KCNG4: variants seen among roughly 807,000 people sequenced by gnomAD.
KCNG4 encodes the protein potassium voltage-gated channel modifier subfamily G member 4.
In KCNG4, 30 loss-of-function variants were observed where a neutral mutation model predicts 28.2. That is an observed-to-expected ratio of 1.06 (90% confidence interval 0.80 to 1.44). The LOEUF is 1.44. KCNG4 is among the 40% of genes most tolerant of loss of function. The probability of loss-of-function intolerance (pLI) is 0.00; values close to 1 mark genes in which losing one functional copy is unlikely to be tolerated. For missense variants in KCNG4, 879 were observed against 712.3 expected (o/e 1.23, Z -2.66); for synonymous variants, 375 against 315.5 (o/e 1.19, Z -2.00).
At chr16:84,227,933 G>A (rs1904733993) in intron 2 of KCNG4, among the ~76,000 whole-genome samples, 1 of 152,200 alleles carries the variant, frequency 6.6e-6, no homozygotes, top group South Asian at 2.1e-4. Context: ...GAGGAGGGTA[G>A]CAGTGATGGC....
chr16:84,228,776 G>A (rs1904756291), intron 2 of KCNG4, among the ~76,000 whole-genome samples: 1 of 152,252 alleles, frequency 6.6e-6, no homozygotes, highest in Non-Finnish European at 1.5e-5. Flanking sequence ...GAAGGTAACT[G>A]TCATCCCACA....
intron 1 of KCNG4, among the ~76,000 whole-genome samples, 174 bp from the exon 2 acceptor site, chr16:84,237,699 G>A (rs1278086596): frequency 6.6e-6 from 1 of 152,174 alleles, no homozygotes; most frequent in Non-Finnish European, 1.5e-5. Flanking sequence ...CCTACTATGT[G>A]CTTGGGATAC....
chr16:84,237,572 C>A (rs1905005522), intron 1 of KCNG4, 47 bp from the exon 2 acceptor site: 6 of 1,361,156 alleles, frequency 4.4e-6, no homozygotes, highest in Middle Eastern at 1.9e-4. Context: ...GGAAATCAGT[C>A]TTGGGGCAAA....
At position 84,223,893 on chromosome 16, in the gene KCNG4, G is replaced by C. The variant is rs146991189; in HGVS notation, c.757-873C>G. Among the ~76,000 whole-genome samples, 502 of 152,274 alleles carry C rather than the reference G, an allele frequency of 3.3e-3. 1 individual carries two copies. Among genetic ancestry groups the C allele is most frequent in the African/African-American group, 0.011 (468 of 41,554 alleles). Reference sequence around the variant, plus strand: ...CTTGAAGGCTGGTGGGGCAGAGAGGGTTCCTGAATCCCCAAGACAGCCCTT... The same window carrying C: ...CTTGAAGGCTGGTGGGGCAGAGAGGCTTCCTGAATCCCCAAGACAGCCCTT... On this transcript the variant is annotated intron_variant, in intron 2 of 2. Coordinates refer to ENST00000308251, the MANE Select transcript of KCNG4 (RefSeq NM_172347.3).
At chr16:84,228,499 G>C (rs1012136716) in intron 2 of KCNG4, among the ~76,000 whole-genome samples, 3 of 151,978 alleles carry the variant, frequency 2.0e-5, no homozygotes, top group Admixed American at 6.6e-5. Context: ...TTTTCTCTCG[G>C]CCAGCCGTGC....
rs977475123 is a variant in KCNG4 at position 84,221,584 on chromosome 16, C to G, written c.*633G>C. The G allele has an allele frequency of 6.6e-6, 1 of 152,310 alleles. No individual in the cohort carries two copies. The highest frequency in any genetic ancestry group is 2.4e-5 in the African/African-American group (1 of 41,452). 9.4% of individuals were successfully genotyped at this position (152,310 alleles called of 1,614,324 possible). On this transcript the variant is annotated 3_prime_UTR_variant, in exon 3 of 3. Transcript: ENST00000308251. ...TAAAGGATGGCAGGCTTGGGGGCAT[C>G]AGCCTCAACATGAGATTTACTGCAA...
chr16:84,224,417 C>CACACACAT (rs1555536139), intron 2 of KCNG4, among the ~76,000 whole-genome samples: 2 of 151,148 alleles, frequency 1.3e-5, no homozygotes, highest in East Asian at 3.9e-4. Context: ...CACACACACA[C>CACACACAT]ACACACACAC....
At chr16:84,231,965 C>T (rs561185673) in intron 2 of KCNG4, among the ~76,000 whole-genome samples, 7 of 145,158 alleles carry the variant, frequency 4.8e-5, no homozygotes, top group Non-Finnish European at 8.9e-5. Context: ...GATCACACCA[C>T]TGCACTCCAA....
chr16:84,230,894 C>G (rs1383347251), intron 2 of KCNG4, among the ~76,000 whole-genome samples: 2 of 152,242 alleles, frequency 1.3e-5, no homozygotes, highest in East Asian at 3.9e-4. Context: ...AGTTCGCCTG[C>G]TTCTCCCACC....
rs748067535 is a variant in KCNG4, at chr16:84,237,514, G to C, written c.-29C>G. ...TGAAGACCACCAGGTAGGAAGCGCT[G>C]GGTTTACCAGTCTGACACCCAAGGG... On this transcript the variant is annotated 5_prime_UTR_variant, in exon 2 of 3. Coordinates refer to ENST00000308251, the MANE Select transcript of KCNG4 (RefSeq NM_172347.3). 1.4e-6 allele frequency: 2 copies of C among 1,461,092 alleles called. No individual in the cohort carries two copies. Among genetic ancestry groups the C allele is most frequent in the Admixed American group, 5.0e-5 (2 of 39,796 alleles). The allele number at this position is 1,461,092 out of a possible 1,614,324, so 90.5% of individuals were successfully genotyped here.
Position 84,222,550 on chromosome 16 carries a change from A to G in KCNG4, c.1227T>C (p.Tyr409=), listed in dbSNP as rs144272086. The G allele has an allele frequency of 6.0e-5, 97 of 1,613,504 alleles. No homozygotes were observed. The African/African-American group carries it at 1.0e-3, about 17-fold the overall frequency. Residue 409 remains tyrosine, a synonymous_variant, in exon 3 of 3, where the codon TAT becomes TAC. Transcript: ENST00000308251. ...VLEFTSIPAS[Y]WWAIISMTTV... ...TTGTCATGGAGATGATGGCCCACCA[A>G]TAGGAGGCGGGGATGCTGGTGAACT...
chr16:84,228,162 G>A (rs1199650150), intron 2 of KCNG4, among the ~76,000 whole-genome samples: 1 of 152,234 alleles, frequency 6.6e-6, no homozygotes, highest in Non-Finnish European at 1.5e-5. Flanking sequence ...TGGGGGCCCT[G>A]CAGATGCAAT....
In KCNG4 at chr16:84,222,709, C is replaced by A. The variant is rs1469321073; in HGVS notation, c.1068G>T (p.Gly356=). The change falls in exon 3 of 3, where the codon GGG becomes GGT. Residue 356 remains glycine, a synonymous_variant. Coordinates refer to ENST00000308251, the MANE Select transcript of KCNG4 (RefSeq NM_172347.3). ...YVMRLARHSL[G]LQTLGLTVRR... ...GCACGGTGAGCCCCAGCGTCTGCAGCCCCAGCGAGTGGCGAGCCAGGCGCA... is the reference window on the plus strand; with the variant it reads ...GCACGGTGAGCCCCAGCGTCTGCAGACCCAGCGAGTGGCGAGCCAGGCGCA... 6.2e-7 allele frequency: 1 copy of A among 1,613,174 alleles called. No homozygotes were observed. Among genetic ancestry groups the A allele is most frequent in the African/African-American group, 1.3e-5 (1 of 74,928 alleles).
intron 2 of KCNG4, among the ~76,000 whole-genome samples, chr16:84,228,011 T>A (rs1019605390): frequency 2.6e-5 from 4 of 152,206 alleles, no homozygotes; most frequent in Non-Finnish European, 4.4e-5. Context: ...TATTGTGGTA[T>A]GGGAGTTATC....
chr16:84,223,348 T>G (rs1904624664), intron 2 of KCNG4, among the ~76,000 whole-genome samples: 1 of 152,076 alleles, frequency 6.6e-6, no homozygotes, highest in South Asian at 2.1e-4. Flanking sequence ...ACAGCACAAA[T>G]GGGCCTGCAA....
chr16:84,238,851 G>C (rs1905038174), intron 1 of KCNG4, among the ~76,000 whole-genome samples: 1 of 151,992 alleles, frequency 6.6e-6, no homozygotes, highest in Admixed American at 6.6e-5. Context: ...CTGGACAACA[G>C]AGCGAGACTC....
chr16:84,238,727 G>C (rs1905035333), intron 1 of KCNG4, among the ~76,000 whole-genome samples: 1 of 152,114 alleles, frequency 6.6e-6, no homozygotes, highest in Admixed American at 6.6e-5. Context: ...AATTAGCTAG[G>C]CAAGGTGGCA....
intron 2 of KCNG4, among the ~76,000 whole-genome samples, chr16:84,229,551 C>T (rs1447561468): frequency 6.6e-6 from 1 of 152,276 alleles, no homozygotes; most frequent in African/African-American, 2.4e-5. Context: ...CCCATCGCCT[C>T]TGTGCTGGTG....
chr16:84,231,487 T>A (rs1219930383), intron 2 of KCNG4, among the ~76,000 whole-genome samples: 2 of 151,520 alleles, frequency 1.3e-5, no homozygotes, highest in African/African-American at 4.9e-5. Flanking sequence ...ATGGAGAGGG[T>A]GCGAGGGATG....
Sources: allele counts gnomAD v4.1 joint callset (sites outside exome capture counted in the v4.1 genomes callset), GRCh38; gene constraint gnomAD v4.1.1; transcripts MANE v1.5; gene names NCBI Gene and HGNC (gene_info 2026-07-23, HGNC 2026-07-21).